The following NCKAP1 variants were observed in gnomAD, a reference collection of about 807,000 sequenced individuals.
NCKAP1 encodes the protein NCK associated protein 1.
A neutral mutation model predicts 151.2 loss-of-function variants in NCKAP1; 21 were observed. The observed-to-expected ratio is 0.14, with a 90% confidence interval of 0.10 to 0.20. The LOEUF is 0.20. NCKAP1 is among the 10% of genes least tolerant of loss of function. The pLI, the probability that NCKAP1 is intolerant of heterozygous loss-of-function variation, is 1.00. For synonymous variants in NCKAP1, 484 were observed against 451.8 expected (o/e 1.07, Z -0.90); for missense variants, 933 against 1,352.1 (o/e 0.69, Z 4.86).
intron 15 of NCKAP1, among the ~76,000 whole-genome samples, chr2:182,971,985 T>A (rs979593902): frequency 2.0e-5 from 3 of 152,054 alleles, no homozygotes; most frequent in African/African-American, 7.2e-5. Flanking sequence ...TGGTGAAACA[T>A]GCCAGAATAT....
chr2:183,017,461 C>G (rs1041280621), intron 2 of NCKAP1, among the ~76,000 whole-genome samples: 1 of 152,058 alleles, frequency 6.6e-6, no homozygotes, highest in Non-Finnish European at 1.5e-5. Context: ...CTCGTGTGCA[C>G]AGTTCACAAT....
chr2:182,957,206 T>C, intron 19 of NCKAP1: 1 of 318,346 alleles, frequency 3.1e-6, no homozygotes. Flanking sequence ...AAACATATAA[T>C]TGGCCTTCAG....
rs1176512376 is a variant in NCKAP1, at chr2:183,020,956, TA to T, written c.219+2849del. On this transcript the variant is annotated intron_variant, in intron 2 of 30. Coordinates refer to ENST00000361354, the MANE Select transcript of NCKAP1 (RefSeq NM_013436.5). ...GCCCAATACATAGTACTTCAGCAGG[TA>T]AAAAAAACAACAGAGTAGCATTACA... is the stretch of plus-strand genomic sequence containing the variant. 2.0e-5 allele frequency among the ~76,000 whole-genome samples: 3 copies of T among 151,588 alleles called. No individual in the cohort carries two copies. In the East Asian group the frequency reaches 5.8e-4, roughly 29 times the overall value.
intron 9 of NCKAP1, among the ~76,000 whole-genome samples, chr2:182,986,782 TA>T (rs982353505): frequency 1.3e-5 from 2 of 152,114 alleles, no homozygotes; most frequent in South Asian, 4.1e-4. Context: ...TGTATTTTTT[TA>T]AAAAAACTTA....
intron 15 of NCKAP1, among the ~76,000 whole-genome samples, chr2:182,971,851 G>A (rs1367600212): frequency 6.6e-6 from 1 of 152,016 alleles, no homozygotes; most frequent in African/African-American, 2.4e-5. Flanking sequence ...GAGAAAACTG[G>A]ATATCCACAT....
chr2:182,947,465 T>A (rs747078126), intron 23 of NCKAP1, among the ~76,000 whole-genome samples: 5 of 152,206 alleles, frequency 3.3e-5, no homozygotes, highest in Non-Finnish European at 7.3e-5. Flanking sequence ...TACTTCTGCT[T>A]CAGTACACAT....
At chr2:182,945,925 T>C (rs530596186) in intron 23 of NCKAP1, among the ~76,000 whole-genome samples, 24 of 152,160 alleles carry the variant, frequency 1.6e-4, no homozygotes, top group South Asian at 8.3e-4. Flanking sequence ...CCATCGACAA[T>C]AGACTCAATA....
At chr2:182,956,694 G>A in intron 19 of NCKAP1, 101 bp from the exon 20 acceptor site, 5 of 1,252,802 alleles carry the variant, frequency 4.0e-6, no homozygotes, top group Non-Finnish European at 4.3e-6. Context: ...ATAATGCTTA[G>A]AGAATTCGAC....
At chr2:183,008,802 A>G (rs1698531600) in intron 2 of NCKAP1, among the ~76,000 whole-genome samples, 1 of 152,208 alleles carries the variant, frequency 6.6e-6, no homozygotes, top group Non-Finnish European at 1.5e-5. Flanking sequence ...AAGTTGGGTA[A>G]AATACTTCAC....
At chr2:182,985,545 G>A (rs1324182490) in intron 10 of NCKAP1, among the ~76,000 whole-genome samples, 2 of 152,050 alleles carry the variant, frequency 1.3e-5, no homozygotes, top group East Asian at 1.9e-4. Flanking sequence ...GCTCATGCCT[G>A]TAATGCCAGC....
chr2:183,037,293 G>C (rs1699121445), intron 1 of NCKAP1, among the ~76,000 whole-genome samples: 1 of 152,202 alleles, frequency 6.6e-6, no homozygotes, highest in South Asian at 2.1e-4. Context: ...AATCTAACAT[G>C]AGGAGGAGTA....
intron 23 of NCKAP1, among the ~76,000 whole-genome samples, chr2:182,949,359 T>G (rs1356877273): frequency 1.3e-5 from 2 of 152,178 alleles, no homozygotes; most frequent in African/African-American, 4.8e-5. Context: ...GTTTCACCAC[T>G]GACTAAAATG....
intron 15 of NCKAP1, among the ~76,000 whole-genome samples, chr2:182,970,321 C>T (rs1037635379): frequency 1.3e-5 from 2 of 152,130 alleles, no homozygotes; most frequent in African/African-American, 4.8e-5. Flanking sequence ...CGAAAAGAAA[C>T]TACAGGCCAT....
Position 182,930,392 on chromosome 2 carries a change from G to GT in NCKAP1, c.2953+302dup, listed in dbSNP as rs1411928179. 2.6e-5 allele frequency among the ~76,000 whole-genome samples: 4 copies of GT among 151,508 alleles called. No homozygotes were observed. In the East Asian group the frequency reaches 7.7e-4, roughly 29 times the overall value. ...ATTTCTCTAAATTTCTTTTTTCGTG[G>GT]TTTTTCCTTTTCTCCCTGAGCTCTT... On this transcript the variant is annotated intron_variant, in intron 27 of 30. Coordinates refer to ENST00000361354, the MANE Select transcript of NCKAP1 (RefSeq NM_013436.5).
chr2:183,009,475 G>GTAGCCAGC (rs1553517571), intron 2 of NCKAP1, among the ~76,000 whole-genome samples: 1 of 100,226 alleles, frequency 1.0e-5, no homozygotes, highest in Non-Finnish European at 2.0e-5. Context: ...AGGAAGGAAG[G>GTAGCCAGC]AAGCAAGCAA....
At chr2:183,033,993 C>T (rs1220576811) in intron 1 of NCKAP1, among the ~76,000 whole-genome samples, 1 of 152,082 alleles carries the variant, frequency 6.6e-6, no homozygotes, top group Non-Finnish European at 1.5e-5. Context: ...TTTATCATTG[C>T]TACTTAAAAA....
chr2:183,014,683 T>C (rs1698651479), intron 2 of NCKAP1, among the ~76,000 whole-genome samples: 1 of 152,208 alleles, frequency 6.6e-6, no homozygotes, highest in Non-Finnish European at 1.5e-5. Context: ...TTGTAGCTTT[T>C]ACTGTGTTAT....
Position 182,919,704 on chromosome 2 carries a change from T to C in NCKAP1, c.*5998A>G, listed in dbSNP as rs1575006408. The C allele has an allele frequency of 6.6e-6, 1 of 150,976 alleles. No individual in the cohort carries two copies. The highest frequency in any genetic ancestry group is 2.4e-5 in the African/African-American group (1 of 40,980). The allele number at this position is 150,976 out of a possible 1,614,324, so 9.4% of individuals were successfully genotyped here. A position where few individuals can be genotyped will look rare whatever the true frequency, so the allele number is the denominator to read the frequency against. On this transcript the variant is annotated 3_prime_UTR_variant, in exon 31 of 31. Coordinates refer to ENST00000361354, the MANE Select transcript of NCKAP1 (RefSeq NM_013436.5). The stretch of plus-strand genomic sequence containing the variant: ...TCTTGTTCTGTTGCCCAGGCTGGAG[T>C]GCAGTGGCATGATCTCGGCTCACTG...
chr2:183,020,763 G>A (rs925654158), intron 2 of NCKAP1, among the ~76,000 whole-genome samples: 1 of 152,036 alleles, frequency 6.6e-6, no homozygotes, highest in Non-Finnish European at 1.5e-5. Flanking sequence ...AATCCCAGAC[G>A]CTACTATCTT....
Sources: allele counts gnomAD v4.1 joint callset (sites outside exome capture counted in the v4.1 genomes callset), GRCh38; gene constraint gnomAD v4.1.1; transcripts MANE v1.5; gene names NCBI Gene and HGNC (gene_info 2026-07-23, HGNC 2026-07-21).